CDH12: variants seen among roughly 807,000 people sequenced by gnomAD.
CDH12 encodes cadherin 12, also known as cadherin-12.
In CDH12, 41 loss-of-function variants were observed where a neutral mutation model predicts 74.1. The ratio of observed to expected loss-of-function variants is 0.55; its 90% CI spans 0.43 to 0.72. The LOEUF (loss-of-function observed/expected upper bound fraction) is 0.72, where lower values mean the gene tolerates loss of function less well. Among genes scored for constraint, CDH12 ranks in the 30% least tolerant of loss-of-function variants. CDH12 has a pLI of 0.00. For missense variants in CDH12, 945 were observed against 977.2 expected, an observed-to-expected ratio of 0.97 and a Z score of 0.44; for synonymous variants, 399 against 355.0, an observed-to-expected ratio of 1.12 and a Z score of -1.39.
rs183956660 is a variant in CDH12, at chr5:22,724,312, G to C, written c.-523+128746C>G. ...GGTAAGTCATTTAGTGTTGATTTCTGAGATTTTAGTGCACTCATCACCTGA... is the reference window on the plus strand; with the variant it reads ...GGTAAGTCATTTAGTGTTGATTTCTCAGATTTTAGTGCACTCATCACCTGA... On this transcript the variant is annotated intron_variant, in intron 1 of 14. Coordinates refer to ENST00000382254, the MANE Select transcript of CDH12 (RefSeq NM_004061.5). 1.9e-3 allele frequency among the ~76,000 whole-genome samples: 282 copies of C among 151,882 alleles called. 1 individual carries two copies. The highest frequency in any genetic ancestry group is 0.014 in the Middle Eastern group (4 of 292).
intron 1 of CDH12, among the ~76,000 whole-genome samples, chr5:22,539,243 G>T (rs1304194561): frequency 2.0e-5 from 3 of 152,138 alleles, no homozygotes; most frequent in Non-Finnish European, 4.4e-5. Context: ...ATGGGTGAGT[G>T]AATAGAACAC....
intron 3 of CDH12, among the ~76,000 whole-genome samples, chr5:22,358,760 A>G (rs1740672958): frequency 6.6e-6 from 1 of 152,196 alleles, no homozygotes; most frequent in South Asian, 2.1e-4. Flanking sequence ...AAGAGTGATG[A>G]CACAAGATTC....
At chr5:22,852,295 CAAAT>C (rs147765738) in intron 1 of CDH12, among the ~76,000 whole-genome samples, 3,592 of 152,236 alleles carry the variant, frequency 0.024, 58 homozygotes, top group South Asian at 0.04. Flanking sequence ...TAGCAAAAAA[CAAAT>C]AATGATGTTA....
chr5:22,331,584 T>C (rs559173273), intron 3 of CDH12, among the ~76,000 whole-genome samples: 3 of 152,246 alleles, frequency 2.0e-5, no homozygotes, highest in Admixed American at 6.5e-5. Flanking sequence ...AAGCCCAGGA[T>C]GTAAAGACCA....
intron 6 of CDH12, among the ~76,000 whole-genome samples, chr5:21,959,913 A>G (rs1756275721): frequency 7.6e-6 from 1 of 131,974 alleles, no homozygotes; most frequent in African/African-American, 3.0e-5. Flanking sequence ...CGACAGAGTG[A>G]GGCTCCATCT....
At position 22,271,850 on chromosome 5, in the gene CDH12, G is replaced by T. The variant is rs192507765; in HGVS notation, c.-332-59207C>A. Among the ~76,000 whole-genome samples the T allele has an allele frequency of 4.0e-3, 614 of 151,936 alleles. 9 individuals carry two copies. Among genetic ancestry groups the T allele is most frequent in the African/African-American group, 0.014 (583 of 41,452 alleles). On this transcript the variant is annotated intron_variant, in intron 3 of 14. Transcript: ENST00000382254. Reference sequence around the variant, plus strand: ...GAGTCTAAAATATTAGGTGAACTGTGTTATAAACAATCATGCTATCACTCA... The same window carrying T: ...GAGTCTAAAATATTAGGTGAACTGTTTTATAAACAATCATGCTATCACTCA...
At chr5:22,258,539 G>C (rs1251328182) in intron 3 of CDH12, among the ~76,000 whole-genome samples, 1 of 150,564 alleles carries the variant, frequency 6.6e-6, no homozygotes, top group Admixed American at 6.6e-5. Flanking sequence ...TTCATAAAAT[G>C]TTAAAAGTTA....
chr5:22,783,910 T>TC (rs1561028241), intron 1 of CDH12, among the ~76,000 whole-genome samples: 1 of 152,066 alleles, frequency 6.6e-6, no homozygotes, highest in African/African-American at 2.4e-5. Context: ...CTGCTTTTTT[T>TC]CCCATCAGAA....
chr5:22,081,282 T>C (rs1196520532), intron 4 of CDH12, among the ~76,000 whole-genome samples: 1 of 152,186 alleles, frequency 6.6e-6, no homozygotes, highest in East Asian at 1.9e-4. Flanking sequence ...GCGGTAAAAA[T>C]ACGTTAGAAA....
intron 6 of CDH12, among the ~76,000 whole-genome samples, chr5:21,920,670 G>GATAATA (rs70957078): frequency 1.4e-5 from 2 of 147,700 alleles, no homozygotes; most frequent in African/African-American, 4.9e-5. Flanking sequence ...CTTAAAGTAT[G>GATAATA]ATAATAATAA....
intron 2 of CDH12, among the ~76,000 whole-genome samples, chr5:22,469,439 A>G (rs1745867270): frequency 6.6e-6 from 1 of 152,132 alleles, no homozygotes; most frequent in Admixed American, 6.6e-5. Flanking sequence ...ATCTTTTAAA[A>G]TCACCTTCCA....
intron 6 of CDH12, among the ~76,000 whole-genome samples, chr5:21,876,374 T>A (rs1161372378): frequency 6.6e-6 from 1 of 152,220 alleles, no homozygotes; most frequent in Non-Finnish European, 1.5e-5. Context: ...TCACTCTACA[T>A]GCCTAACTCT....
intron 2 of CDH12, among the ~76,000 whole-genome samples, chr5:22,474,827 C>A (rs1036872744): frequency 5.3e-5 from 8 of 152,062 alleles, no homozygotes; most frequent in African/African-American, 1.9e-4. Flanking sequence ...GTCCAACTCT[C>A]ATATTTTCAG....
chr5:22,295,013 C>A (rs1199336521), intron 3 of CDH12, among the ~76,000 whole-genome samples: 1 of 152,114 alleles, frequency 6.6e-6, no homozygotes, highest in Non-Finnish European at 1.5e-5. Context: ...CACCAATCAG[C>A]AACAGAGATG....
intron 2 of CDH12, among the ~76,000 whole-genome samples, chr5:22,460,370 G>T (rs1021844336): frequency 1.3e-5 from 2 of 152,000 alleles, no homozygotes; most frequent in Admixed American, 6.5e-5. Flanking sequence ...GGCAACCACT[G>T]TTTGGCTCTC....
rs1479597441 is a variant in CDH12 at position 22,751,480 on chromosome 5, A to AT, written c.-523+101577_-523+101578insA. On this transcript the variant is annotated intron_variant, in intron 1 of 14. Transcript: ENST00000382254. Reference sequence around the variant, plus strand: ...CCATGATAATTTTTTATAGTAAGTTAATTATCATTATTTTCCCTAGATGTC... The same window carrying AT: ...CCATGATAATTTTTTATAGTAAGTTATATTATCATTATTTTCCCTAGATGTC... Among the ~76,000 whole-genome samples the AT allele has an allele frequency of 1.3e-4, 20 of 151,894 alleles. 1 individual carries two copies. The East Asian group carries it at 3.9e-3, about 29-fold the overall frequency.
chr5:22,095,721 C>T (rs1341851202), intron 4 of CDH12, among the ~76,000 whole-genome samples: 1 of 151,744 alleles, frequency 6.6e-6, no homozygotes, highest in Non-Finnish European at 1.5e-5. Flanking sequence ...GGCAAGAATC[C>T]CCCAATCCCT....
chr5:22,670,977 C>A (rs1705643875), intron 1 of CDH12, among the ~76,000 whole-genome samples: 1 of 151,666 alleles, frequency 6.6e-6, no homozygotes, highest in Non-Finnish European at 1.5e-5. Context: ...GTACTTATTT[C>A]TCTATTAGTT....
chr5:22,283,251 T>TATACACAC (rs1282673054), intron 3 of CDH12, among the ~76,000 whole-genome samples: 5 of 102,064 alleles, frequency 4.9e-5, no homozygotes, highest in African/African-American at 1.6e-4. Context: ...TATATATATA[T>TATACACAC]ACACACACAC....
Sources: gnomAD v4.1 joint callset for allele counts (sites outside exome capture counted in the v4.1 genomes callset) on GRCh38, gnomAD v4.1.1 for gene constraint, MANE v1.5 for transcripts, NCBI Gene and HGNC (gene_info 2026-07-23, HGNC 2026-07-21) for gene names.